The following TKFC variants were observed in gnomAD, a reference collection of about 807,000 sequenced individuals.
The protein encoded by TKFC is triokinase and FMN cyclase, also known as triokinase/FMN cyclase.
A neutral mutation model predicts 61.0 loss-of-function variants in TKFC; 46 were observed. The observed-to-expected ratio is 0.75, with a 90% CI of 0.60 to 0.96. The LOEUF is 0.96. Ranked by LOEUF, TKFC falls within the 50% of genes least tolerant of loss-of-function variation. The pLI, the probability that TKFC is intolerant of heterozygous loss-of-function variation, is 0.00. For missense variants in TKFC, 715 were observed against 777.5 expected (o/e 0.92, Z 0.96); for synonymous variants, 314 against 330.1 (o/e 0.95, Z 0.53).
At chr11:61,341,630 C>A in intron 6 of TKFC, 116 bp downstream of exon 6, 1 of 1,312,424 alleles carries the variant, frequency 7.6e-7, no homozygotes, top group Non-Finnish European at 1.1e-6. Flanking sequence ...CCCCAGGGGT[C>A]TAGGGAGTGT....
At position 61,343,336 on chromosome 11, in the gene TKFC, T is replaced by C. The variant is rs149175132; in HGVS notation, c.866-6T>C. Reference sequence around the variant, plus strand: ...CCTTTTGGACTGCCACACTCTGGTATTGCAGAGGGCCGCGGGGTGAAGATT... The same window carrying C: ...CCTTTTGGACTGCCACACTCTGGTACTGCAGAGGGCCGCGGGGTGAAGATT... On this transcript the variant is annotated splice_region_variant and splice_polypyrimidine_tract_variant and intron_variant, in intron 10 of 17. Transcript: ENST00000394900. 3.1e-4 allele frequency: 504 copies of C among 1,613,710 alleles called. 4 individuals are homozygous for C. The African/African-American group carries it at 6.3e-3, about 20-fold the overall frequency.
At position 61,346,259 on chromosome 11, in the gene TKFC, C is replaced by A; in HGVS notation, c.1576-92C>A. 6.3e-7 allele frequency: 1 copy of A among 1,593,644 alleles called. No homozygotes were observed. The highest frequency in any genetic ancestry group is 8.5e-7 in the Non-Finnish European group (1 of 1,175,460). On this transcript the variant is annotated intron_variant, in intron 17 of 17. Transcript: ENST00000394900. This position sits in a 1 kb window ranked among gnomAD's most constrained non-coding sequence, Gnocchi z 4.1. ...AGAGCCAGGGCAAGGGCGTGCAGGGCCAGGCTGCACGGCAGAGACGTTCTG... is the reference window on the plus strand; with the variant it reads ...AGAGCCAGGGCAAGGGCGTGCAGGGACAGGCTGCACGGCAGAGACGTTCTG...
chr11:61,343,076 A>AC, intron 10 of TKFC: 1 of 613,902 alleles, frequency 1.6e-6, no homozygotes, highest in Non-Finnish European at 2.9e-6. Flanking sequence ...GTGAGATTAA[A>AC]CATATGTAAG....
intron 10 of TKFC, chr11:61,343,121 T>C: frequency 1.6e-6 from 1 of 609,686 alleles, no homozygotes. Flanking sequence ...TGGCACGAAC[T>C]GAGTAAATGA....
At chr11:61,338,848 G>C (rs1856725152) in intron 3 of TKFC, among the ~76,000 whole-genome samples, 1 of 152,168 alleles carries the variant, frequency 6.6e-6, no homozygotes. Context: ...GTGAGTCCCT[G>C]GGGAGGGAGC....
intron 5 of TKFC, 145 bp downstream of exon 5, chr11:61,339,580 C>G: frequency 1.1e-6 from 1 of 929,648 alleles, no homozygotes; most frequent in Non-Finnish European, 1.6e-6. Flanking sequence ...GAAGGCCCCG[C>G]CATCCCCTCA....
In TKFC at chr11:61,339,052, C is replaced by G. The variant is rs761137715; in HGVS notation, c.194-14C>G. 85 of 1,609,268 alleles carry G rather than the reference C, an allele frequency of 5.3e-5. No individual in the cohort carries two copies. Among genetic ancestry groups the G allele is most frequent in the Non-Finnish European group, 7.0e-5 (83 of 1,177,352 alleles). On this transcript the variant is annotated splice_polypyrimidine_tract_variant and intron_variant, in intron 3 of 17. Transcript: ENST00000394900. Reference sequence around the variant, plus strand: ...TCCCACCCAGCATGCTCACTCCACTCCTTCCACCTCCAGGTTTCATAGGGA... The same window carrying G: ...TCCCACCCAGCATGCTCACTCCACTGCTTCCACCTCCAGGTTTCATAGGGA...
chr11:61,341,560 A>G, intron 6 of TKFC, 46 bp downstream of exon 6: 2 of 1,546,188 alleles, frequency 1.3e-6, no homozygotes, highest in East Asian at 4.9e-5. Context: ...GGAAGGTTGG[A>G]CAGCCCTGGG....
In TKFC at chr11:61,334,692, A is replaced by T. The variant is rs1856528625; in HGVS notation, c.-37A>T. 5 of 1,614,002 alleles carry T rather than the reference A, an allele frequency of 3.1e-6. No homozygotes were observed. The highest frequency in any genetic ancestry group is 4.2e-6 in the Non-Finnish European group (5 of 1,179,930). ...GTCCATCCTCCAGCAGCTCAGTGCA[A>T]CGGTGTGAACTCAGCCTGTTTCAGA... On this transcript the variant is annotated 5_prime_UTR_variant, in exon 2 of 18. Coordinates refer to ENST00000394900, the MANE Select transcript of TKFC (RefSeq NM_015533.4).
downstream of TKFC, chr11:61,350,030 C>T: frequency 4.1e-6 from 2 of 490,474 alleles, no homozygotes; most frequent in South Asian, 4.6e-5. Flanking sequence ...GCGAGGAGGA[C>T]CTCGTGTGAA....
At chr11:61,342,989 C>A (rs1590571024) in intron 10 of TKFC, 145 bp downstream of exon 10, 3 of 793,910 alleles carry the variant, frequency 3.8e-6, no homozygotes, top group East Asian at 5.4e-5. Flanking sequence ...ATACCTTGAG[C>A]CTCTGTTTGT....
At position 61,348,765 on chromosome 11, in the gene TKFC, G is replaced by A. The variant is rs1590590952; in HGVS notation, c.*2262G>A. 6.6e-6 allele frequency: 1 copy of A among 152,580 alleles called. No homozygotes were observed. 9.5% of individuals were successfully genotyped at this position (152,580 alleles called of 1,614,324 possible). A position where few individuals can be genotyped will look rare whatever the true frequency, so the allele number is the denominator to read the frequency against. On this transcript the variant is annotated 3_prime_UTR_variant, in exon 18 of 18. Transcript: ENST00000394900. ...AACACTTGTTGTTTAAGCCACCCAGGCTATTATATTTTTGTTATAGCAGCC... is the reference window on the plus strand; with the variant it reads ...AACACTTGTTGTTTAAGCCACCCAGACTATTATATTTTTGTTATAGCAGCC...
downstream of TKFC, chr11:61,350,618 T>A (rs775979188): frequency 3.0e-6 from 2 of 657,702 alleles, no homozygotes; most frequent in Non-Finnish European, 5.2e-6. Flanking sequence ...CTCTGAGCAC[T>A]CAGCTGGTCA....
At position 61,346,092 on chromosome 11, in the gene TKFC, G is replaced by A. The variant is rs1758630359; in HGVS notation, c.1575+146G>A. ...TGGAGATGAGCACCTATCTCAGAAG[G>A]TGGTTATGTGGCTAAGGAAATATGT... On this transcript the variant is annotated intron_variant, in intron 17 of 17. Transcript: ENST00000394900. This position sits in a 1 kb window ranked among gnomAD's most constrained non-coding sequence, Gnocchi z 4.1. The A allele has an allele frequency of 1.1e-5, 12 of 1,118,350 alleles. No homozygotes were observed. Among genetic ancestry groups the A allele is most frequent in the Non-Finnish European group, 1.5e-5 (12 of 801,070 alleles). The allele number at this position is 1,118,350 out of a possible 1,614,324, so 69.3% of individuals were successfully genotyped here.
In TKFC at chr11:61,347,651, C is replaced by A. The variant is rs532465340; in HGVS notation, c.*1148C>A. 1.2e-5 allele frequency: 12 copies of A among 985,254 alleles called. No individual in the cohort carries two copies. The African/African-American group carries it at 2.1e-4, about 17-fold the overall frequency. The allele number at this position is 985,254 out of a possible 1,614,324, so 61.0% of individuals were successfully genotyped here. On this transcript the variant is annotated 3_prime_UTR_variant, in exon 18 of 18. Transcript: ENST00000394900. The stretch of plus-strand genomic sequence containing the variant: ...CAGGGGCACTGTATGCATGTGGAGA[C>A]AAACAGCACATGCCTGGCACACATG...
Position 61,348,605 on chromosome 11 carries a change from A to G in TKFC, c.*2102A>G. On this transcript the variant is annotated 3_prime_UTR_variant, in exon 18 of 18. Transcript: ENST00000394900. ...TGGGGTTATGAGGGTGGAGCCCCAG[A>G]GAGCTCTCACGCCCTTTCCACCATG... is the stretch of plus-strand genomic sequence containing the variant. The G allele has an allele frequency of 1.6e-6, 1 of 641,666 alleles. No individual in the cohort carries two copies. Among genetic ancestry groups the G allele is most frequent in the Non-Finnish European group, 1.9e-6 (1 of 515,646 alleles). The allele number at this position is 641,666 out of a possible 1,614,324, so 39.7% of individuals were successfully genotyped here.
chr11:61,338,153 G>A (rs1031263480), intron 3 of TKFC, 23 bp downstream of exon 3: 1 of 1,552,094 alleles, frequency 6.4e-7, no homozygotes, highest in Non-Finnish European at 8.6e-7. Context: ...GGGTGGGGCA[G>A]GGGGTACTAG....
chr11:61,339,004 G>A lies in TKFC; in HGVS notation c.194-62G>A. 4 of 1,439,978 alleles carry A rather than the reference G, an allele frequency of 2.8e-6. No individual in the cohort carries two copies. In the South Asian group the frequency reaches 3.7e-5, roughly 13 times the overall value. The allele number at this position is 1,439,978 out of a possible 1,614,324, so 89.2% of individuals were successfully genotyped here. On this transcript the variant is annotated intron_variant, in intron 3 of 17. Transcript: ENST00000394900. Reference sequence around the variant, plus strand: ...AACCATGACCCCCGGAGTGTGGGAAGCCCCAGTGACTACAGGCGCGAGTCC... The same window carrying A: ...AACCATGACCCCCGGAGTGTGGGAAACCCCAGTGACTACAGGCGCGAGTCC...
At position 61,347,458 on chromosome 11, in the gene TKFC, G is replaced by A. The variant is rs1349407100; in HGVS notation, c.*955G>A. On this transcript the variant is annotated 3_prime_UTR_variant, in exon 18 of 18. Coordinates refer to ENST00000394900, the MANE Select transcript of TKFC (RefSeq NM_015533.4). Reference sequence around the variant, plus strand: ...GGAGGCTGAGTTGGGAGGATGGCTTGGGCCCAGGAGGTCGAGGCTGCGGTG... The same window carrying A: ...GGAGGCTGAGTTGGGAGGATGGCTTAGGCCCAGGAGGTCGAGGCTGCGGTG... The A allele has an allele frequency of 1.0e-6, 1 of 963,780 alleles. No individual in the cohort carries two copies. The highest frequency in any genetic ancestry group is 1.2e-6 in the Non-Finnish European group (1 of 810,534). 59.7% of individuals were successfully genotyped at this position (963,780 alleles called of 1,614,324 possible).
Sources: allele counts gnomAD v4.1 joint callset (sites outside exome capture counted in the v4.1 genomes callset), GRCh38; gene constraint gnomAD v4.1.1; non-coding constraint Gnocchi (gnomAD v3.1); transcripts MANE v1.5; gene names NCBI Gene and HGNC (gene_info 2026-07-23, HGNC 2026-07-21).